MYO16: variants seen among roughly 807,000 people sequenced by gnomAD.
The protein encoded by MYO16 is unconventional myosin-XVI.
In MYO16, 94 loss-of-function variants were observed where a neutral mutation model predicts 205.3. That is an observed-to-expected ratio of 0.46 (90% CI 0.39 to 0.54). MYO16 has a LOEUF of 0.54. MYO16 is among the 20% of genes least tolerant of loss of function. The pLI is 0.00. For missense variants in MYO16, 2,315 were observed against 2,387.5 expected (o/e 0.97, Z 0.63); for synonymous variants, 988 against 954.0 (o/e 1.04, Z -0.66).
chr13:108,858,644 ATTT>A lies in MYO16; in HGVS notation c.1359+3093_1359+3095del, dbSNP rs553441333. ...TACAGCAATTGCATTTTGCACTTGC[ATTT>A]TATCCTGCAAATAAGTGTCTGGGCT... is the stretch of plus-strand genomic sequence containing the variant. On this transcript the variant is annotated intron_variant, in intron 11 of 34. Transcript: ENST00000457511. Among the ~76,000 whole-genome samples, 40 of 152,256 alleles carry A rather than the reference ATTT, an allele frequency of 2.6e-4. 2 individuals carry two copies. The East Asian group carries it at 7.7e-3, about 29-fold the overall frequency.
rs879390482 is a variant in MYO16 at position 108,871,357 on chromosome 13, TG to T, written c.1425+5116del. ...GTGTGTGTGTGTGTGTGTGTGTGTGTGTGTGTCTGTGTGTTGGTTTTACATA... is the reference window on the plus strand; with the variant it reads ...GTGTGTGTGTGTGTGTGTGTGTGTGTTGTGTCTGTGTGTTGGTTTTACATA... On this transcript the variant is annotated intron_variant, in intron 12 of 34. Coordinates refer to ENST00000457511, the MANE Select transcript of MYO16 (RefSeq NM_001198950.3). Among the ~76,000 whole-genome samples the T allele has an allele frequency of 2.3e-3, 340 of 149,638 alleles. 1 individual carries two copies. Among genetic ancestry groups the T allele is most frequent in the South Asian group, 6.7e-3 (32 of 4,798 alleles).
intron 32 of MYO16, among the ~76,000 whole-genome samples, chr13:109,146,009 A>C (rs1877311914): frequency 6.6e-6 from 1 of 152,244 alleles, no homozygotes; most frequent in Non-Finnish European, 1.5e-5. Flanking sequence ...TAAGTTATAA[A>C]CAGGTACTAA....
chr13:108,815,117 A>G (rs979734726), intron 7 of MYO16, among the ~76,000 whole-genome samples: 1 of 152,196 alleles, frequency 6.6e-6, no homozygotes, highest in Non-Finnish European at 1.5e-5. Flanking sequence ...ATATTTGTAC[A>G]CTTCACACTA....
chr13:109,157,813 G>A (rs770258321), intron 32 of MYO16, among the ~76,000 whole-genome samples: 1 of 152,176 alleles, frequency 6.6e-6, no homozygotes, highest in Non-Finnish European at 1.5e-5. Flanking sequence ...CCACAGTGAT[G>A]CGTCAGATTC....
chr13:109,156,313 C>A (rs189853978), intron 32 of MYO16, among the ~76,000 whole-genome samples: 1 of 152,278 alleles, frequency 6.6e-6, no homozygotes, highest in Non-Finnish European at 1.5e-5. Flanking sequence ...TGCCAGGCAC[C>A]TCTCTCTGCA....
chr13:108,961,669 T>A lies in MYO16; in HGVS notation c.2155+13T>A, dbSNP rs745771172. 2 of 1,581,678 alleles carry A rather than the reference T, an allele frequency of 1.3e-6. No homozygotes were observed. The highest frequency in any genetic ancestry group is 1.7e-5 in the Admixed American group (1 of 59,952). On this transcript the variant is annotated intron_variant, in intron 18 of 34. Transcript: ENST00000457511. ...CTCCTGGAACAAGGTCAGTGGAACA[T>A]GACCTTCTGACATTAACCACATTGA...
At chr13:108,591,885 A>G (rs986351689), upstream of MYO16, among the ~76,000 whole-genome samples, 1 of 152,184 alleles carries the variant, frequency 6.6e-6, no homozygotes, top group South Asian at 2.1e-4. Flanking sequence ...GCTTACCCTG[A>G]CTTGTCTCTT....
chr13:109,125,303 C>T lies in MYO16; in HGVS notation c.3727C>T (p.Pro1243Ser). 6.2e-7 allele frequency: 1 copy of T among 1,614,032 alleles called. No homozygotes were observed. Among genetic ancestry groups the T allele is most frequent in the Non-Finnish European group, 8.5e-7 (1 of 1,180,008 alleles). Residue 1243 changes from proline to serine, a missense_variant, in exon 30 of 35, where the codon CCC becomes TCC. Coordinates refer to ENST00000457511, the MANE Select transcript of MYO16 (RefSeq NM_001198950.3). The surrounding 1 kb of genome is among the most constrained non-coding windows in gnomAD (Gnocchi z 4.0). ...NDRLRSEMNA[P>S]YHKEKLEVRN... is the part of the protein sequence containing the mutation. ...CCGGCTCCGTAGTGAAATGAACGCTCCCTACCATAAAGAGAAGTTAGAGGT... is the reference window on the plus strand; with the variant it reads ...CCGGCTCCGTAGTGAAATGAACGCTTCCTACCATAAAGAGAAGTTAGAGGT...
At chr13:109,148,093 A>G (rs1269213309) in intron 32 of MYO16, among the ~76,000 whole-genome samples, 2 of 152,058 alleles carry the variant, frequency 1.3e-5, no homozygotes, top group African/African-American at 4.8e-5. Context: ...GCAGCTATAT[A>G]TTTCATTGTT....
In MYO16 at chr13:108,738,316, G is replaced by A. The variant is rs375598165; in HGVS notation, c.507+10733G>A. On this transcript the variant is annotated intron_variant, in intron 4 of 34. Coordinates refer to ENST00000457511, the MANE Select transcript of MYO16 (RefSeq NM_001198950.3). ...TACACGCTGCTTTAAATGTGTCCCA[G>A]AGATTCTGGTATACTGTGTCTTTGT... Among the ~76,000 whole-genome samples, 39 of 152,334 alleles carry A rather than the reference G, an allele frequency of 2.6e-4. No homozygotes were observed. The South Asian group carries it at 8.1e-3, about 32-fold the overall frequency.
intron 6 of MYO16, among the ~76,000 whole-genome samples, chr13:108,802,464 G>A (rs1410542493): frequency 6.6e-6 from 1 of 152,088 alleles, no homozygotes; most frequent in African/African-American, 2.4e-5. Context: ...ATGTATATAT[G>A]CTACATTTTC....
At chr13:109,100,962 C>T (rs1351007579) in intron 28 of MYO16, 75 bp downstream of exon 28, 1 of 1,284,078 alleles carries the variant, frequency 7.8e-7, no homozygotes, top group Non-Finnish European at 1.1e-6. Flanking sequence ...CAGGGAGCCA[C>T]CAGAATCTTC....
intron 21 of MYO16, among the ~76,000 whole-genome samples, chr13:109,003,284 TTTCTC>T (rs1885277000): frequency 6.6e-6 from 1 of 152,096 alleles, no homozygotes; most frequent in African/African-American, 2.4e-5. Context: ...AAGCTGGAAA[TTTCTC>T]TACGGGATTT....
chr13:108,735,795 C>T (rs562199372), intron 4 of MYO16, among the ~76,000 whole-genome samples: 2 of 151,832 alleles, frequency 1.3e-5, no homozygotes, highest in South Asian at 4.2e-4. Flanking sequence ...CACATCCTCT[C>T]CAGCACCTGT....
chr13:108,535,435 C>T, the MYO16 span, among the ~76,000 whole-genome samples: 1 of 152,160 alleles, frequency 6.6e-6, no homozygotes, highest in Admixed American at 6.6e-5. Flanking sequence ...TGGTGGCTTC[C>T]CATAGTTCAA....
intron 33 of MYO16, among the ~76,000 whole-genome samples, chr13:109,178,797 T>C (rs972353814): frequency 6.6e-6 from 1 of 152,116 alleles, no homozygotes; most frequent in African/African-American, 2.4e-5. Flanking sequence ...CAGGGATGCA[T>C]GGGGCAGACC....
chr13:108,996,188 A>T (rs112634673), intron 21 of MYO16, among the ~76,000 whole-genome samples: 2 of 152,238 alleles, frequency 1.3e-5, no homozygotes, highest in African/African-American at 2.4e-5. Flanking sequence ...TAATAAGTAC[A>T]ATACTAGTGT....
intron 27 of MYO16, among the ~76,000 whole-genome samples, chr13:109,065,063 G>A (rs577861851): frequency 1.3e-5 from 2 of 152,274 alleles, no homozygotes; most frequent in East Asian, 3.9e-4. Flanking sequence ...TGGCTGGGCT[G>A]GGGGATGCAC....
chr13:108,836,595 C>T (rs551150049), intron 9 of MYO16, among the ~76,000 whole-genome samples: 51 of 152,016 alleles, frequency 3.4e-4, no homozygotes, highest in Non-Finnish European at 4.9e-4. Flanking sequence ...TGAAAGCAGC[C>T]GGGTGCAGGG....
Sources: allele counts gnomAD v4.1 joint callset (sites outside exome capture counted in the v4.1 genomes callset), GRCh38; gene constraint gnomAD v4.1.1; non-coding constraint Gnocchi (gnomAD v3.1); transcripts MANE v1.5; gene names NCBI Gene and HGNC (gene_info 2026-07-23, HGNC 2026-07-21).